The following AFF1 variants were observed in gnomAD, a reference collection of about 807,000 sequenced individuals.
AFF1 encodes AF4/FMR2 family member 1.
Under a neutral mutation model 121.7 loss-of-function variants are expected in AFF1, and 48 were observed. The ratio of observed to expected loss-of-function variants is 0.39; its 90% CI spans 0.31 to 0.50. The LOEUF (loss-of-function observed/expected upper bound fraction) is 0.50. Ranked by LOEUF, AFF1 falls within the 20% of genes least tolerant of loss-of-function variation. AFF1 has a pLI of 0.76. For synonymous variants in AFF1, 613 were observed against 563.0 expected (o/e 1.09, Z -1.26); for missense variants, 1,523 against 1,511.7 (o/e 1.01, Z -0.12).
rs577728839 is a variant in AFF1 at position 86,941,853 on chromosome 4, A to C, written c.-37+6613A>C. 3.1e-3 allele frequency among the ~76,000 whole-genome samples: 329 copies of C among 106,190 alleles called. 2 individuals carry two copies. The highest frequency in any genetic ancestry group is 9.9e-3 in the African/African-American group (321 of 32,346). 69.7% of individuals were successfully genotyped at this position (106,190 alleles called of 152,430 possible). ...TGTCTCGAAAAAGATAATCTGAAAC[A>C]AAAAGACAATTGATGCCTCTGCTTG... On this transcript the variant is annotated intron_variant, in intron 1 of 20. Coordinates refer to ENST00000395146, the MANE Select transcript of AFF1 (RefSeq NM_001166693.3).
intron 2 of AFF1, among the ~76,000 whole-genome samples, chr4:87,041,187 C>A (rs1730108740): frequency 6.6e-6 from 1 of 152,206 alleles, no homozygotes; most frequent in African/African-American, 2.4e-5. Context: ...GCAAGTCAAT[C>A]TCTGAGCTAG....
At chr4:87,116,300 C>T (rs1727116741) in intron 12 of AFF1, among the ~76,000 whole-genome samples, 1 of 152,126 alleles carries the variant, frequency 6.6e-6, no homozygotes, top group Non-Finnish European at 1.5e-5. Flanking sequence ...TTGAACATGC[C>T]ACTGTTTTAG....
chr4:86,962,144 T>C (rs1049744067), intron 2 of AFF1, among the ~76,000 whole-genome samples: 3 of 106,066 alleles, frequency 2.8e-5, no homozygotes, highest in African/African-American at 8.9e-5. Flanking sequence ...AGTTATTGTT[T>C]CTTTTTTTTT....
intron 2 of AFF1, among the ~76,000 whole-genome samples, chr4:86,961,939 T>G (rs1722183173): frequency 6.6e-6 from 1 of 152,198 alleles, no homozygotes; most frequent in South Asian, 2.1e-4. Context: ...AAACGAGATA[T>G]GAAATTGTCC....
At chr4:86,978,329 G>A (rs1370548664) in intron 2 of AFF1, among the ~76,000 whole-genome samples, 3 of 151,142 alleles carry the variant, frequency 2.0e-5, no homozygotes, top group African/African-American at 4.9e-5. Context: ...GACTACAGAC[G>A]CGTGCCACCA....
intron 12 of AFF1, among the ~76,000 whole-genome samples, chr4:87,115,676 C>A (rs1480263657): frequency 1.6e-5 from 2 of 123,210 alleles, no homozygotes; most frequent in Non-Finnish European, 3.2e-5. Context: ...GTGGTGCGAT[C>A]TTGGCTCACT....
At position 87,084,562 on chromosome 4, in the gene AFF1, AAAT is replaced by A. The variant is rs751780027; in HGVS notation, c.1104+401_1104+403del. On this transcript the variant is annotated intron_variant, in intron 5 of 20. Coordinates refer to ENST00000395146, the MANE Select transcript of AFF1 (RefSeq NM_001166693.3). Reference sequence around the variant, plus strand: ...GAAACTATGTCTCCAATAAATAAATAAATAAATAAATAAATAAATAAATAAATA... The same window carrying A: ...GAAACTATGTCTCCAATAAATAAATAAAATAAATAAATAAATAAATAAATA... Among the ~76,000 whole-genome samples, 709 of 76,864 alleles carry A rather than the reference AAAT, an allele frequency of 9.2e-3. 8 individuals are homozygous for A. Among genetic ancestry groups the A allele is most frequent in the African/African-American group, 0.029 (664 of 23,134 alleles). The allele number at this position is 76,864 out of a possible 152,430, so 50.4% of individuals were successfully genotyped here. A position where few individuals can be genotyped will look rare whatever the true frequency, so the allele number is the denominator to read the frequency against.
intron 2 of AFF1, among the ~76,000 whole-genome samples, chr4:86,966,162 A>T (rs1722525841): frequency 6.6e-6 from 1 of 151,670 alleles, no homozygotes; most frequent in African/African-American, 2.4e-5. Context: ...TCTTACCCAC[A>T]CACATACCCA....
At chr4:86,939,021 T>C (rs1720256077) in intron 1 of AFF1, among the ~76,000 whole-genome samples, 1 of 152,252 alleles carries the variant, frequency 6.6e-6, no homozygotes, top group Non-Finnish European at 1.5e-5. Context: ...ACATCATTAA[T>C]ATAGTATCTC....
chr4:87,047,356 C>G lies in AFF1; in HGVS notation c.821C>G (p.Ala274Gly). 6.2e-7 allele frequency: 1 copy of G among 1,614,134 alleles called. No individual in the cohort carries two copies. Among genetic ancestry groups the G allele is most frequent in the Non-Finnish European group, 8.5e-7 (1 of 1,180,026 alleles). ...CCTCAAGACAGTTTGGTGGCCCCTG[C>G]CCAGCCGCCTTCTCAGACATTTCCA... is the stretch of plus-strand genomic sequence containing the variant. ...ETPQDSLVAP[A>G]QPPSQTFPPP... Residue 274 changes from alanine (A) to glycine (G), a missense_variant, in exon 4 of 21, where the codon GCC becomes GGC. Around this residue, in one of 5 missense-constraint regions of AFF1, gnomAD observed 369 missense variants for 367.2 expected, o/e 1.00. Transcript: ENST00000395146.
intron 4 of AFF1, among the ~76,000 whole-genome samples, chr4:87,058,957 C>T (rs1385133546): frequency 6.6e-6 from 1 of 152,158 alleles, no homozygotes; most frequent in East Asian, 1.9e-4. Flanking sequence ...GCATTTGACA[C>T]TTGACCACCA....
At chr4:87,104,610 T>G (rs1018394634) in intron 8 of AFF1, among the ~76,000 whole-genome samples, 2 of 152,144 alleles carry the variant, frequency 1.3e-5, no homozygotes, top group Non-Finnish European at 2.9e-5. Flanking sequence ...ACATAGTGAT[T>G]TTTACCAGGA....
intron 2 of AFF1, among the ~76,000 whole-genome samples, chr4:86,954,139 T>C (rs1291160185): frequency 6.6e-6 from 1 of 152,240 alleles, no homozygotes; most frequent in Non-Finnish European, 1.5e-5. Context: ...TGTAACACCC[T>C]GCATTTGTTT....
At chr4:86,995,728 C>T (rs1403200374) in intron 2 of AFF1, among the ~76,000 whole-genome samples, 20 of 151,894 alleles carry the variant, frequency 1.3e-4, no homozygotes, top group Admixed American at 5.9e-4. Flanking sequence ...TCTGCCCGGC[C>T]GCCACCCCGT....
At chr4:87,111,716 G>A (rs1164074090) in intron 11 of AFF1, among the ~76,000 whole-genome samples, 1 of 152,112 alleles carries the variant, frequency 6.6e-6, no homozygotes, top group Non-Finnish European at 1.5e-5. Flanking sequence ...CCCAAATAAT[G>A]TATCAAATTA....
intron 10 of AFF1, among the ~76,000 whole-genome samples, chr4:87,107,315 G>A (rs1726013419): frequency 6.6e-6 from 1 of 152,080 alleles, no homozygotes. Flanking sequence ...TACCATCTAG[G>A]GTGAAGCTTT....
intron 5 of AFF1, among the ~76,000 whole-genome samples, chr4:87,088,819 C>T (rs1265375178): frequency 1.3e-5 from 2 of 151,886 alleles, no homozygotes; most frequent in East Asian, 1.9e-4. Flanking sequence ...TTCTTGTTGC[C>T]CAGGCTGGAG....
chr4:86,963,805 T>G (rs1341312892), intron 2 of AFF1, among the ~76,000 whole-genome samples: 1 of 151,818 alleles, frequency 6.6e-6, no homozygotes, highest in Non-Finnish European at 1.5e-5. Flanking sequence ...CATTTCTTTT[T>G]TTTTTTTGAG....
rs1040587673 is a variant in AFF1, at chr4:87,072,607, C to T, written c.1060-11513C>T. Among the ~76,000 whole-genome samples, 5 of 151,344 alleles carry T rather than the reference C, an allele frequency of 3.3e-5. 1 individual carries two copies. The highest frequency in any genetic ancestry group is 1.2e-4 in the African/African-American group (5 of 40,778). ...CACGATCTCAGCTCACGGCAGCCTCCGCCTCCTAGGTTCAGCAATTCTCCT... is the reference window on the plus strand; with the variant it reads ...CACGATCTCAGCTCACGGCAGCCTCTGCCTCCTAGGTTCAGCAATTCTCCT... On this transcript the variant is annotated intron_variant, in intron 4 of 20. Coordinates refer to ENST00000395146, the MANE Select transcript of AFF1 (RefSeq NM_001166693.3).
Sources: allele counts gnomAD v4.1 joint callset (sites outside exome capture counted in the v4.1 genomes callset), GRCh38; gene constraint gnomAD v4.1.1; regional missense constraint gnomAD v4.1.1; transcripts MANE v1.5; gene names NCBI Gene and HGNC (gene_info 2026-07-23, HGNC 2026-07-21).